AAK1: variants seen among roughly 807,000 people sequenced by gnomAD.
The protein encoded by AAK1 is AP2 associated kinase 1.
In AAK1, 37 loss-of-function variants were observed where a neutral mutation model predicts 116.0. The ratio of observed to expected loss-of-function variants is 0.32; its 90% CI spans 0.25 to 0.42. The LOEUF is 0.42. Among genes scored for constraint, AAK1 ranks in the 10% least tolerant of loss-of-function variants. The pLI, the probability that AAK1 is intolerant of heterozygous loss-of-function variation, is 1.00. For missense variants in AAK1, 919 were observed against 1,170.6 expected, an observed-to-expected ratio of 0.79 and a Z score of 3.14; for synonymous variants, 458 against 439.9, an observed-to-expected ratio of 1.04 and a Z score of -0.51.
In AAK1 at chr2:69,556,965, A is replaced by G. The variant is rs374522765; in HGVS notation, c.177T>C (p.Ile59=). ...CATTGCTTGTCCTCACCAGAAATAC[A>G]ATAGCAAATCCACCTGTGAGAGAAA... ...DEVLAEGGFA[I]VFLVRTSNGM... Residue 59 remains isoleucine (I), a synonymous_variant, in exon 3 of 22, where the codon ATT becomes ATC. Coordinates refer to ENST00000409085, the MANE Select transcript of AAK1 (RefSeq NM_014911.5). The G allele has an allele frequency of 3.7e-6, 6 of 1,612,884 alleles. No homozygotes were observed. In the African/African-American group the frequency reaches 8.0e-5, roughly 22 times the overall value.
chr2:69,546,575 TC>T (rs1369852834), intron 3 of AAK1, among the ~76,000 whole-genome samples: 1 of 152,172 alleles, frequency 6.6e-6, no homozygotes, highest in Non-Finnish European at 1.5e-5. Flanking sequence ...TGAAAAAGAA[TC>T]AGCAATGTTG....
intron 15 of AAK1, among the ~76,000 whole-genome samples, 171 bp from the exon 16 acceptor site, chr2:69,505,844 C>T (rs761277554): frequency 6.6e-6 from 1 of 151,832 alleles, no homozygotes; most frequent in African/African-American, 2.4e-5. Flanking sequence ...ACTGAGAGAA[C>T]GGCTGAGAAA....
rs4067981 is a variant in AAK1 at position 69,643,085 on chromosome 2, AT to A, written c.-46del. 0.2 allele frequency: 241,715 copies of A among 1,212,370 alleles called. 1 individual carries two copies. The highest frequency in any genetic ancestry group is 0.21 in the Non-Finnish European group (205,080 of 956,028). 75.1% of individuals were successfully genotyped at this position (1,212,370 alleles called of 1,614,324 possible). ...AAAGCAAAATACCGATGGTTTCTAGATTTTTTTTTTTTTTTTTTTTTTTTAA... is the reference window on the plus strand; with the variant it reads ...AAAGCAAAATACCGATGGTTTCTAGATTTTTTTTTTTTTTTTTTTTTTTAA... On this transcript the variant is annotated 5_prime_UTR_variant, in exon 2 of 22. Transcript: ENST00000409085.
chr2:69,604,403 A>C (rs891007726), intron 2 of AAK1, among the ~76,000 whole-genome samples: 1 of 152,146 alleles, frequency 6.6e-6, no homozygotes, highest in Admixed American at 6.5e-5. Context: ...CCAAGCTTCC[A>C]TGTGGCCTCA....
chr2:69,510,173 A>AT (rs1558921811), intron 13 of AAK1, among the ~76,000 whole-genome samples: 1 of 152,058 alleles, frequency 6.6e-6, no homozygotes, highest in African/African-American at 2.4e-5. Context: ...CACAAGAGTT[A>AT]TTTTTTCTGA....
intron 2 of AAK1, among the ~76,000 whole-genome samples, chr2:69,571,015 T>C (rs1672074411): frequency 6.6e-6 from 1 of 152,052 alleles, no homozygotes; most frequent in Non-Finnish European, 1.5e-5. Flanking sequence ...CCCACCCCCA[T>C]GCCCACCTTG....
intron 2 of AAK1, among the ~76,000 whole-genome samples, chr2:69,567,946 C>T (rs1164805013): frequency 6.6e-6 from 1 of 152,208 alleles, no homozygotes; most frequent in Non-Finnish European, 1.5e-5. Context: ...CTGAAGCATC[C>T]CTTGCCTAAA....
intron 2 of AAK1, among the ~76,000 whole-genome samples, chr2:69,621,339 C>T (rs1193341281): frequency 6.6e-6 from 1 of 152,096 alleles, no homozygotes; most frequent in African/African-American, 2.4e-5. Context: ...ATTAGCCGGG[C>T]TTGGTGGTGT....
intron 5 of AAK1, among the ~76,000 whole-genome samples, chr2:69,541,319 C>T (rs1159212525): frequency 1.3e-5 from 2 of 151,370 alleles, no homozygotes; most frequent in Non-Finnish European, 2.9e-5. Flanking sequence ...CAACCCCTGC[C>T]TCCCAGGTGC....
intron 5 of AAK1, among the ~76,000 whole-genome samples, chr2:69,540,239 A>G (rs1670650360): frequency 6.7e-6 from 1 of 150,234 alleles, no homozygotes; most frequent in Non-Finnish European, 1.5e-5. Flanking sequence ...CTCCTGCCTC[A>G]GCCGCCTAAG....
In AAK1 at chr2:69,469,223, T is replaced by C. The variant is rs1306077714; in HGVS notation, c.*6646A>G. On this transcript the variant is annotated 3_prime_UTR_variant, in exon 22 of 22. Transcript: ENST00000409085. Reference sequence around the variant, plus strand: ...CTTTGCAACTCTCCAGGCCTGGCACTCTGAAGGGCAAAGAAATGCCAGAGA... The same window carrying C: ...CTTTGCAACTCTCCAGGCCTGGCACCCTGAAGGGCAAAGAAATGCCAGAGA... 1.0e-6 allele frequency: 1 copy of C among 985,278 alleles called. No individual in the cohort carries two copies. The highest frequency in any genetic ancestry group is 1.2e-6 in the Non-Finnish European group (1 of 829,950). The allele number at this position is 985,278 out of a possible 1,614,324, so 61.0% of individuals were successfully genotyped here.
chr2:69,619,722 A>G (rs1674503846), intron 2 of AAK1, among the ~76,000 whole-genome samples: 1 of 152,162 alleles, frequency 6.6e-6, no homozygotes, highest in African/African-American at 2.4e-5. Flanking sequence ...TAGGTGAGGG[A>G]GAGCAAGCTT....
chr2:69,589,708 CAAAAAAAAA>C (rs762986666), intron 2 of AAK1, among the ~76,000 whole-genome samples: 2 of 58,684 alleles, frequency 3.4e-5, no homozygotes, highest in Non-Finnish European at 8.4e-5. Context: ...AACTCTGTCT[CAAAAAAAAA>C]AAAAAAAAAA....
intron 17 of AAK1, among the ~76,000 whole-genome samples, chr2:69,488,907 A>G (rs1461784775): frequency 1.3e-5 from 2 of 151,934 alleles, no homozygotes; most frequent in Admixed American, 1.3e-4. Flanking sequence ...ATGAAGATAA[A>G]CTGACCAGGC....
chr2:69,494,464 G>A (rs1675660159), intron 17 of AAK1, among the ~76,000 whole-genome samples: 2 of 152,188 alleles, frequency 1.3e-5, no homozygotes. Flanking sequence ...TGTGCAAAGA[G>A]GCCTTCTTCC....
chr2:69,590,969 T>C (rs564559987), intron 2 of AAK1, among the ~76,000 whole-genome samples: 1 of 152,316 alleles, frequency 6.6e-6, no homozygotes, highest in South Asian at 2.1e-4. Flanking sequence ...TATGGAAAGA[T>C]GAATGTCAGC....
Position 69,475,688 on chromosome 2 carries a change from G to C in AAK1, c.*181C>G. The C allele has an allele frequency of 7.2e-7, 1 of 1,389,686 alleles. No individual in the cohort carries two copies. The highest frequency in any genetic ancestry group is 9.3e-7 in the Non-Finnish European group (1 of 1,072,228). 86.1% of individuals were successfully genotyped at this position (1,389,686 alleles called of 1,614,324 possible). On this transcript the variant is annotated 3_prime_UTR_variant, in exon 22 of 22. Transcript: ENST00000409085. ...AGGAACTGGCCAAGGAATATCTGGA[G>C]GGCCAAAGTGATTTTCTTTCCTTAT...
At chr2:69,607,639 T>C (rs757800827) in intron 2 of AAK1, among the ~76,000 whole-genome samples, 8 of 152,200 alleles carry the variant, frequency 5.3e-5, no homozygotes, top group Non-Finnish European at 1.2e-4. Context: ...TAGATTATAC[T>C]TATAATAAGC....
chr2:69,581,750 G>T (rs1672556082), intron 2 of AAK1, among the ~76,000 whole-genome samples: 1 of 152,186 alleles, frequency 6.6e-6, no homozygotes, highest in African/African-American at 2.4e-5. Context: ...GCTGAAGTGG[G>T]AAGATCACTT....
Sources: gnomAD v4.1 joint callset for allele counts (sites outside exome capture counted in the v4.1 genomes callset) on GRCh38, gnomAD v4.1.1 for gene constraint, MANE v1.5 for transcripts, NCBI Gene and HGNC (gene_info 2026-07-23, HGNC 2026-07-21) for gene names.